Variants in C3orf20 observed in about 807,000 individuals in gnomAD.
C3orf20 encodes family with sequence similarity 149 member C.
C3orf20 carries 76 observed loss-of-function variants against 88.3 expected under a neutral mutation model. The ratio of observed to expected loss-of-function variants is 0.86; its 90% CI spans 0.72 to 1.04. The LOEUF is 1.04. Among genes scored for constraint, C3orf20 ranks in the 50% least tolerant of loss-of-function variants. The pLI, the probability that C3orf20 is intolerant of heterozygous loss-of-function variation, is 0.00. For missense variants in C3orf20, 1,056 were observed against 1,123.3 expected (o/e 0.94, Z 0.86); for synonymous variants, 436 against 437.4 (o/e 1.00, Z 0.04).
At position 14,682,854 on chromosome 3, in the gene C3orf20, T is replaced by A. The variant is rs2032171306; in HGVS notation, c.141T>A (p.Phe47Leu). The A allele has an allele frequency of 6.2e-7, 1 of 1,614,112 alleles. No individual in the cohort carries two copies. The highest frequency in any genetic ancestry group is 1.7e-5 in the Admixed American group (1 of 60,010). The change falls in exon 3 of 17, where the codon TTT becomes TTA. Residue 47 changes from phenylalanine (F) to leucine (L), a missense_variant. By Grantham distance (22) the Phe-to-Leu change is conservative (BLOSUM62 0). Transcript: ENST00000253697. ...TACCAAAAGGCATCAGAAACATCTT[T>A]GAGTTCACTTGGGAAGAGCTCATCA... ...ISVPKGIRNI[F>L]EFTWEELISD...
intron 5 of C3orf20, among the ~76,000 whole-genome samples, chr3:14,693,818 G>T (rs1353277690): frequency 6.6e-6 from 1 of 152,060 alleles, no homozygotes; most frequent in Non-Finnish European, 1.5e-5. Context: ...TATGATATTA[G>T]GTATGAATCT....
At chr3:14,737,962 T>C (rs999825698) in intron 12 of C3orf20, among the ~76,000 whole-genome samples, 1 of 152,204 alleles carries the variant, frequency 6.6e-6, no homozygotes, top group African/African-American at 2.4e-5. Context: ...CCTTCAAGTT[T>C]ATTCATGAGA....
At chr3:14,749,485 G>T (rs1289649494) in intron 12 of C3orf20, among the ~76,000 whole-genome samples, 1 of 152,170 alleles carries the variant, frequency 6.6e-6, no homozygotes, top group Non-Finnish European at 1.5e-5. Flanking sequence ...TTAGTTGCAT[G>T]TTTGAATCTA....
intron 4 of C3orf20, among the ~76,000 whole-genome samples, chr3:14,685,485 C>CGT (rs2032355035): frequency 7.1e-6 from 1 of 141,408 alleles, no homozygotes; most frequent in Admixed American, 6.8e-5. Flanking sequence ...TCTCTCTGTG[C>CGT]GTGCGTGCGT....
intron 5 of C3orf20, among the ~76,000 whole-genome samples, chr3:14,692,294 C>T (rs193111158): frequency 6.6e-6 from 1 of 152,094 alleles, no homozygotes; most frequent in Non-Finnish European, 1.5e-5. Flanking sequence ...CATAGTAGCT[C>T]TATCTTTATT....
At chr3:14,764,760 G>A (rs1559449495) in intron 15 of C3orf20, among the ~76,000 whole-genome samples, 1 of 152,164 alleles carries the variant, frequency 6.6e-6, no homozygotes, top group Non-Finnish European at 1.5e-5. Context: ...TGGTGGCTGG[G>A]TTCCAAGAGG....
chr3:14,679,186 C>T (rs2031949357), intron 1 of C3orf20, among the ~76,000 whole-genome samples: 1 of 152,140 alleles, frequency 6.6e-6, no homozygotes, highest in Non-Finnish European at 1.5e-5. Flanking sequence ...GTTTTCATGG[C>T]CTTTGTATGT....
intron 3 of C3orf20, 56 bp downstream of exon 3, chr3:14,683,253 C>CA: frequency 6.6e-7 from 1 of 1,512,458 alleles, no homozygotes; most frequent in South Asian, 1.3e-5. Flanking sequence ...ACGGGCGTCT[C>CA]AGAGGCACAT....
At chr3:14,685,103 G>A (rs368119819) in intron 4 of C3orf20, among the ~76,000 whole-genome samples, 2 of 152,234 alleles carry the variant, frequency 1.3e-5, no homozygotes, top group East Asian at 3.9e-4. Flanking sequence ...AAGAGAAAAA[G>A]ATATAAATTA....
At chr3:14,759,665 G>T (rs2035496358) in intron 13 of C3orf20, among the ~76,000 whole-genome samples, 1 of 152,156 alleles carries the variant, frequency 6.6e-6, no homozygotes, top group Non-Finnish European at 1.5e-5. Flanking sequence ...CTCGGAAATG[G>T]CCTTCTCCCC....
intron 15 of C3orf20, chr3:14,764,847 C>T (rs1298161964): frequency 6.6e-6 from 1 of 152,278 alleles, no homozygotes; most frequent in Non-Finnish European, 1.5e-5. Flanking sequence ...CAGCATTACA[C>T]ATTCCATTGC....
chr3:14,675,217 C>T lies in C3orf20; in HGVS notation c.-334C>T, dbSNP rs1427747768. The T allele has an allele frequency of 5.3e-5, 8 of 152,240 alleles. No individual in the cohort carries two copies. In the South Asian group the frequency reaches 8.3e-4, roughly 16 times the overall value. The allele number at this position is 152,240 out of a possible 1,614,324, so 9.4% of individuals were successfully genotyped here. ...AGTAAATTGAACTAAGTCGGTTATT[C>T]GGCAAGCAGTTCCTATAAAAAACTA... On this transcript the variant is annotated 5_prime_UTR_variant, in exon 1 of 17. Transcript: ENST00000253697.
At chr3:14,757,985 G>A (rs150854319) in intron 13 of C3orf20, among the ~76,000 whole-genome samples, 150 of 152,318 alleles carry the variant, frequency 9.8e-4, no homozygotes, top group African/African-American at 3.6e-3. Context: ...CTGCTTGTTG[G>A]TGTGAATATT....
intron 10 of C3orf20, 124 bp from the exon 11 acceptor site, chr3:14,726,777 G>T: frequency 7.5e-7 from 1 of 1,332,102 alleles, no homozygotes; most frequent in Non-Finnish European, 1.0e-6. Context: ...TGTGTTCCAG[G>T]TAGGGGTAGG....
In C3orf20 at chr3:14,682,745, A is replaced by G; in HGVS notation, c.32A>G (p.Tyr11Cys). 3.1e-6 allele frequency: 5 copies of G among 1,613,382 alleles called. No homozygotes were observed. The highest frequency in any genetic ancestry group is 4.2e-6 in the Non-Finnish European group (5 of 1,179,668). MSYIKSNLEL[Y>C]QQYTAMAPKL... ...TACATCAAGAGTAACCTAGAATTAT[A>G]TCAGCAATACACAGCCATGGCCCCC... is the stretch of plus-strand genomic sequence containing the variant. Residue 11 changes from tyrosine to cysteine, a missense_variant, in exon 3 of 17, where the codon TAT becomes TGT. Coordinates refer to ENST00000253697, the MANE Select transcript of C3orf20 (RefSeq NM_032137.5).
At position 14,726,930 on chromosome 3, in the gene C3orf20, C is replaced by T. The variant is rs1162756563; in HGVS notation, c.1596C>T (p.Asp532=). Residue 532 remains aspartate (D), a synonymous_variant, in exon 11 of 17, where the codon GAC becomes GAT. Transcript: ENST00000253697. ...ACCGCAGAATCAGCAACATGGACGA[C>T]AAGGTGTATAAGATGAGCCGAGCCC... ...RLNRRISNMD[D]KVYKMSRALA... 10 of 1,614,120 alleles carry T rather than the reference C, an allele frequency of 6.2e-6. No homozygotes were observed. The highest frequency in any genetic ancestry group is 8.5e-7 in the Non-Finnish European group (1 of 1,180,024).
At chr3:14,760,793 A>G (rs1208629907) in intron 14 of C3orf20, among the ~76,000 whole-genome samples, 1 of 151,896 alleles carries the variant, frequency 6.6e-6, no homozygotes, top group African/African-American at 2.4e-5. Context: ...TATTTTTAGT[A>G]GGATTGGGGT....
intron 9 of C3orf20, among the ~76,000 whole-genome samples, chr3:14,719,081 A>T (rs886329669): frequency 1.3e-5 from 2 of 150,478 alleles, no homozygotes; most frequent in Non-Finnish European, 2.9e-5. Flanking sequence ...CTCCTCTTCA[A>T]AGTCTGCCTG....
chr3:14,771,995 A>G, intron 15 of C3orf20, 72 bp from the exon 16 acceptor site: 2 of 1,586,970 alleles, frequency 1.3e-6, no homozygotes, highest in Admixed American at 3.4e-5. Flanking sequence ...CCAGGCTCCC[A>G]GAACACTGAT....
Sources: allele counts gnomAD v4.1 joint callset (sites outside exome capture counted in the v4.1 genomes callset), GRCh38; gene constraint gnomAD v4.1.1; transcripts MANE v1.5; gene names NCBI Gene and HGNC (gene_info 2026-07-23, HGNC 2026-07-21).